PYGL: variants seen among roughly 807,000 people sequenced by gnomAD.
PYGL encodes the protein glycogen phosphorylase, liver form.
PYGL carries 90 observed loss-of-function variants against 100.1 expected under a neutral mutation model. That is an observed-to-expected ratio of 0.90 (90% CI 0.76 to 1.07). The LOEUF is 1.07. PYGL is among the 50% of genes least tolerant of loss of function. The pLI, the probability that PYGL is intolerant of heterozygous loss-of-function variation, is 0.00. For synonymous variants in PYGL, 373 were observed against 393.0 expected (o/e 0.95, Z 0.60); for missense variants, 1,016 against 1,057.6 (o/e 0.96, Z 0.55).
rs369207678 is a variant in PYGL, at chr14:50,915,868, C to A, written c.1196G>T (p.Arg399Leu). The change falls in exon 10 of 20, where the codon CGA becomes CTA. Residue 399 changes from arginine to leucine, a missense_variant. By Grantham distance (102) the Arg-to-Leu change is moderately radical (BLOSUM62 -2). Coordinates refer to ENST00000216392, the MANE Select transcript of PYGL (RefSeq NM_002863.5). ...PVDLVEKLLP[R>L]HLEIIYEINQ... is the part of the protein sequence containing the mutation. ...TATCTCATAAATGATTTCCAAATGT[C>A]GAGGGAGCAGCTTCTCCACCAGGTC... 1 of 1,614,156 alleles carries A rather than the reference C, an allele frequency of 6.2e-7. No homozygotes were observed.
chr14:50,915,472 C>T lies in PYGL; in HGVS notation c.1267G>A (p.Val423Met), dbSNP rs757563889. Residue 423 changes from valine to methionine, a missense_variant, in exon 11 of 20, where the codon GTG becomes ATG. Val to Met is a conservative substitution (Grantham distance 21, BLOSUM62 1). Coordinates refer to ENST00000216392, the MANE Select transcript of PYGL (RefSeq NM_002863.5). ...DRIVALFPKDVDRLRRMSLIE... is the reference protein window; with the variant it reads ...DRIVALFPKDMDRLRRMSLIE... The stretch of plus-strand genomic sequence containing the variant: ...AGAGACATCCTTCTCAGACGGTCCA[C>T]ATCTTTAGGAAACAAGGCCACAATT... 3 of 1,614,222 alleles carry T rather than the reference C, an allele frequency of 1.9e-6. No homozygotes were observed. Among genetic ancestry groups the T allele is most frequent in the Non-Finnish European group, 1.7e-6 (2 of 1,180,044 alleles).
chr14:50,920,568 G>A lies in PYGL; in HGVS notation c.828C>T (p.Ile276=). The A allele has an allele frequency of 6.2e-7, 1 of 1,613,382 alleles. No individual in the cohort carries two copies. Among genetic ancestry groups the A allele is most frequent in the Non-Finnish European group, 8.5e-7 (1 of 1,179,324 alleles). The change falls in exon 7 of 20, where the codon ATC becomes ATT. Residue 276 remains isoleucine (I), a synonymous_variant. Coordinates refer to ENST00000216392, the MANE Select transcript of PYGL (RefSeq NM_002863.5). ...TGTCATTGGGATAGAGGACCCGGGA[G>A]ATGTTCTCGGCCAGGTTTCGGTCCA... ...AVLDRNLAEN[I]SRVLYPNDNF...
At chr14:50,927,351 A>G (rs10140029) in intron 4 of PYGL, among the ~76,000 whole-genome samples, 24,816 of 152,120 alleles carry the variant, frequency 0.16, 2,752 homozygotes, top group East Asian at 0.45. Flanking sequence ...CAGCCTCCCA[A>G]GTACCTGGGA....
intron 18 of PYGL, 24 bp downstream of exon 18, chr14:50,908,797 C>A (rs1393557406): frequency 6.5e-7 from 1 of 1,541,216 alleles, no homozygotes. Flanking sequence ...ATCCAAATAG[C>A]ACCATCTTCT....
intron 19 of PYGL, 25 bp downstream of exon 19, chr14:50,908,246 T>C (rs2050353218): frequency 6.5e-7 from 1 of 1,541,732 alleles, no homozygotes; most frequent in African/African-American, 1.4e-5. Context: ...CTGGTTTTCT[T>C]TATAAATCTT....
rs1419703214 is a variant in PYGL at position 50,905,423 on chromosome 14, G to T, written c.2513C>A (p.Ser838Tyr). Residue 838 changes from serine to tyrosine, a missense_variant, in exon 20 of 20, where the codon TCC (serine) becomes TAC (tyrosine). Physicochemically the swap from Ser to Tyr is moderately radical, Grantham distance 144. Coordinates refer to ENST00000216392, the MANE Select transcript of PYGL (RefSeq NM_002863.5). ...TCCATTGACTTTGTTAGATTCATTG[G>T]ATAGAGAAATCTTTAGATCTGAAGG... ...VEPSDLKISL[S>Y]NESNKVNGN 4.3e-6 allele frequency: 7 copies of T among 1,613,496 alleles called. No homozygotes were observed. The highest frequency in any genetic ancestry group is 5.9e-6 in the Non-Finnish European group (7 of 1,179,566).
intron 4 of PYGL, among the ~76,000 whole-genome samples, chr14:50,930,436 A>G (rs563120326): frequency 6.6e-6 from 1 of 152,336 alleles, no homozygotes; most frequent in African/African-American, 2.4e-5. Context: ...CTTCTCTTCT[A>G]CAAGATGCTG....
chr14:50,917,168 G>T, intron 7 of PYGL, 63 bp from the exon 8 acceptor site: 1 of 1,539,322 alleles, frequency 6.5e-7, no homozygotes, highest in East Asian at 2.2e-5. Flanking sequence ...AATGTGACTG[G>T]TGTCTCCTGC....
intron 1 of PYGL, among the ~76,000 whole-genome samples, chr14:50,942,141 G>A (rs1348285464): frequency 6.6e-6 from 1 of 152,216 alleles, no homozygotes; most frequent in Non-Finnish European, 1.5e-5. Flanking sequence ...GAACCATCCT[G>A]TTTAGACAGA....
chr14:50,926,353 A>C (rs942836878), intron 4 of PYGL, among the ~76,000 whole-genome samples: 1 of 152,014 alleles, frequency 6.6e-6, no homozygotes, highest in South Asian at 2.1e-4. Flanking sequence ...TCCATCTCAA[A>C]AAATAAAGTA....
chr14:50,915,887 C>A lies in PYGL; in HGVS notation c.1177G>T (p.Val393Leu). 1 of 1,614,216 alleles carries A rather than the reference C, an allele frequency of 6.2e-7. No homozygotes were observed. Among genetic ancestry groups the A allele is most frequent in the South Asian group, 1.1e-5 (1 of 91,082 alleles). ...AAATGTCGAGGGAGCAGCTTCTCCA[C>A]CAGGTCCACGGGCCAGCGCTCCAGG... Reference protein sequence around the residue: ...EALERWPVDLVEKLLPRHLEI... With the variant: ...EALERWPVDLLEKLLPRHLEI... The change falls in exon 10 of 20, where the codon GTG becomes TTG. Residue 393 changes from valine (V) to leucine (L), a missense_variant. Val to Leu is a conservative substitution (Grantham distance 32). Coordinates refer to ENST00000216392, the MANE Select transcript of PYGL (RefSeq NM_002863.5).
chr14:50,929,830 A>G (rs889543982), intron 4 of PYGL, among the ~76,000 whole-genome samples: 3 of 152,242 alleles, frequency 2.0e-5, no homozygotes, highest in Admixed American at 1.3e-4. Context: ...ATAACTTTTA[A>G]TGATTACAAA....
At chr14:50,913,390 G>T (rs186456927) in intron 12 of PYGL, 2,818 of 163,970 alleles carry the variant, frequency 0.017, 35 homozygotes, top group Middle Eastern at 0.069. Flanking sequence ...CATTTTTTTT[G>T]AGATGGAGTC....
At chr14:50,936,380 C>T (rs1321977109) in intron 2 of PYGL, among the ~76,000 whole-genome samples, 1 of 152,136 alleles carries the variant, frequency 6.6e-6, no homozygotes, top group Non-Finnish European at 1.5e-5. Flanking sequence ...CGAGTTCAAC[C>T]TTGGTTATGC....
At chr14:50,938,461 C>T (rs1201638705) in intron 1 of PYGL, among the ~76,000 whole-genome samples, 1 of 152,186 alleles carries the variant, frequency 6.6e-6, no homozygotes. Context: ...ATCCGCCCAC[C>T]TCGGCCTCCC....
chr14:50,909,376 T>C (rs1274628782), intron 17 of PYGL, among the ~76,000 whole-genome samples: 13 of 152,200 alleles, frequency 8.5e-5, no homozygotes, highest in Admixed American at 8.5e-4. Context: ...ATATTCAACA[T>C]CCTCCAAATG....
intron 6 of PYGL, 110 bp downstream of exon 6, chr14:50,920,846 G>T: frequency 8.3e-7 from 1 of 1,197,620 alleles, no homozygotes; most frequent in Non-Finnish European, 1.2e-6. Flanking sequence ...GTGAAGTTCA[G>T]ATCAGAAACT....
At chr14:50,935,437 G>T (rs2050646364) in intron 2 of PYGL, among the ~76,000 whole-genome samples, 1 of 152,190 alleles carries the variant, frequency 6.6e-6, no homozygotes, top group South Asian at 2.1e-4. Context: ...CTTCTTACAT[G>T]ACCCTGGGCA....
At chr14:50,927,962 T>C (rs1269328623) in intron 4 of PYGL, among the ~76,000 whole-genome samples, 2 of 151,572 alleles carry the variant, frequency 1.3e-5, no homozygotes, top group Admixed American at 1.3e-4. Flanking sequence ...GCCAATCATA[T>C]GAAGGGGTAG....
Sources: allele counts gnomAD v4.1 joint callset (sites outside exome capture counted in the v4.1 genomes callset), GRCh38; gene constraint gnomAD v4.1.1; transcripts MANE v1.5; gene names NCBI Gene and HGNC (gene_info 2026-07-23, HGNC 2026-07-21).